The following NOS1AP variants were observed in gnomAD, a reference collection of about 807,000 sequenced individuals.
NOS1AP encodes the protein carboxyl-terminal PDZ ligand of neuronal nitric oxide synthase protein.
NOS1AP carries 21 observed loss-of-function variants against 56.2 expected under a neutral mutation model. The ratio of observed to expected loss-of-function variants is 0.37; its 90% CI spans 0.26 to 0.54. The LOEUF (loss-of-function observed/expected upper bound fraction) is 0.54, where lower values mean the gene tolerates loss of function less well. Among genes scored for constraint, NOS1AP ranks in the 20% least tolerant of loss-of-function variants. The pLI is 0.84. For missense variants in NOS1AP, 522 were observed against 657.8 expected (o/e 0.79, Z 2.26); for synonymous variants, 270 against 274.6 (o/e 0.98, Z 0.17).
At chr1:162,342,140 T>A (rs1234503614) in intron 5 of NOS1AP, among the ~76,000 whole-genome samples, 3 of 152,194 alleles carry the variant, frequency 2.0e-5, no homozygotes, top group Non-Finnish European at 2.9e-5. Context: ...CACTGGGTGA[T>A]GGTGGACCCC....
chr1:162,130,203 G>C (rs1648689266), intron 1 of NOS1AP, among the ~76,000 whole-genome samples: 1 of 152,176 alleles, frequency 6.6e-6, no homozygotes, highest in Non-Finnish European at 1.5e-5. Context: ...GCCCTATAAG[G>C]AAGATTGCAT....
At chr1:162,130,003 T>A (rs1404830237) in intron 1 of NOS1AP, among the ~76,000 whole-genome samples, 17 of 152,246 alleles carry the variant, frequency 1.1e-4, no homozygotes. Context: ...GAGTGTCGAA[T>A]ATAAACCTTT....
At chr1:162,245,520 C>T (rs927840482) in intron 2 of NOS1AP, among the ~76,000 whole-genome samples, 1 of 152,182 alleles carries the variant, frequency 6.6e-6, no homozygotes, top group African/African-American at 2.4e-5. Flanking sequence ...AACCATTCTA[C>T]TTCTAGGTAT....
In NOS1AP at chr1:162,352,110, A is replaced by G. The variant is rs577417266; in HGVS notation, c.596-3077A>G. On this transcript the variant is annotated intron_variant, in intron 6 of 9. Coordinates refer to ENST00000361897, the MANE Select transcript of NOS1AP (RefSeq NM_014697.3). ...AATCTCACTCTATTGCCCAGGCTGG[A>G]GTGCAGTGGCATGATCTCAGCTGAC... 6.6e-4 allele frequency among the ~76,000 whole-genome samples: 100 copies of G among 151,416 alleles called. No homozygotes were observed. The South Asian group carries it at 0.012, about 18-fold the overall frequency.
intron 1 of NOS1AP, among the ~76,000 whole-genome samples, chr1:162,087,528 T>C (rs559001887): frequency 6.6e-6 from 1 of 152,194 alleles, no homozygotes. Flanking sequence ...ATCCATGGAC[T>C]TGAACTAGTC....
In NOS1AP at chr1:162,314,113, G is replaced by T. The variant is rs369759172; in HGVS notation, c.344+13407G>T. Among the ~76,000 whole-genome samples, 30 of 152,296 alleles carry T rather than the reference G, an allele frequency of 2.0e-4. No individual in the cohort carries two copies. In the South Asian group the frequency reaches 5.8e-3, roughly 29 times the overall value. On this transcript the variant is annotated intron_variant, in intron 4 of 9. Coordinates refer to ENST00000361897, the MANE Select transcript of NOS1AP (RefSeq NM_014697.3). Reference sequence around the variant, plus strand: ...TTCATCTCAAAAAGGCTACTAAGCTGATTTATCCTTTTGGTGGCCTTGTCT... The same window carrying T: ...TTCATCTCAAAAAGGCTACTAAGCTTATTTATCCTTTTGGTGGCCTTGTCT...
intron 1 of NOS1AP, among the ~76,000 whole-genome samples, chr1:162,079,621 C>A (rs1035519476): frequency 1.3e-5 from 2 of 152,104 alleles, no homozygotes; most frequent in Non-Finnish European, 2.9e-5. Context: ...TCTCATACTT[C>A]GTAGGGTTAA....
chr1:162,153,592 T>G (rs1649807662), intron 1 of NOS1AP, among the ~76,000 whole-genome samples: 1 of 152,244 alleles, frequency 6.6e-6, no homozygotes. Flanking sequence ...GTAATAGTCC[T>G]GTATTCATTG....
At chr1:162,313,286 T>G (rs1656109026) in intron 4 of NOS1AP, among the ~76,000 whole-genome samples, 1 of 152,192 alleles carries the variant, frequency 6.6e-6, no homozygotes, top group African/African-American at 2.4e-5. Context: ...GACCAAATAA[T>G]ACATAACTGT....
At chr1:162,084,870 G>A (rs1230815989) in intron 1 of NOS1AP, among the ~76,000 whole-genome samples, 2 of 151,984 alleles carry the variant, frequency 1.3e-5, no homozygotes, top group Non-Finnish European at 2.9e-5. Flanking sequence ...TTGCCATGTT[G>A]CTCAGGCTGG....
At chr1:162,276,506 A>G (rs1654738348) in intron 2 of NOS1AP, among the ~76,000 whole-genome samples, 1 of 151,076 alleles carries the variant, frequency 6.6e-6, no homozygotes, top group Non-Finnish European at 1.5e-5. Flanking sequence ...GCTGCTCATG[A>G]GAATCACCTG....
intron 4 of NOS1AP, among the ~76,000 whole-genome samples, chr1:162,315,006 T>C (rs2101771689): frequency 6.6e-6 from 1 of 152,378 alleles, no homozygotes; most frequent in East Asian, 1.9e-4. Flanking sequence ...TTGCATTTTG[T>C]TAGAGGAGTC....
chr1:162,151,912 A>G (rs1649726321), intron 1 of NOS1AP, among the ~76,000 whole-genome samples: 1 of 152,084 alleles, frequency 6.6e-6, no homozygotes, highest in African/African-American at 2.4e-5. Flanking sequence ...TGTGTGGTAC[A>G]TGTATGCACA....
At position 162,274,434 on chromosome 1, in the gene NOS1AP, G is replaced by T. The variant is rs569189683; in HGVS notation, c.178-12910G>T. Among the ~76,000 whole-genome samples the T allele has an allele frequency of 2.6e-5, 4 of 152,304 alleles. No individual in the cohort carries two copies. The South Asian group carries it at 8.3e-4, about 32-fold the overall frequency. ...ACCCTCACTTGGCACACTTCCCTCA[G>T]CAACCTGCATGTGGCAACCCTAATT... On this transcript the variant is annotated intron_variant, in intron 2 of 9. Transcript: ENST00000361897.
intron 2 of NOS1AP, among the ~76,000 whole-genome samples, chr1:162,220,186 T>C (rs1006183960): frequency 6.6e-6 from 1 of 152,220 alleles, no homozygotes; most frequent in East Asian, 1.9e-4. Context: ...CTCCAGTAGT[T>C]GGGCTTATAG....
intron 2 of NOS1AP, among the ~76,000 whole-genome samples, chr1:162,252,050 T>C (rs571139249): frequency 6.6e-6 from 1 of 151,400 alleles, no homozygotes; most frequent in African/African-American, 2.4e-5. Context: ...TTTCTTTTTG[T>C]TTTTTTTGAG....
At chr1:162,129,196 C>T (rs536067888) in intron 1 of NOS1AP, among the ~76,000 whole-genome samples, 2 of 152,148 alleles carry the variant, frequency 1.3e-5, no homozygotes, top group African/African-American at 2.4e-5. Flanking sequence ...TTCATCTGAC[C>T]GTTCTAGCCC....
rs1275321873 is a variant in NOS1AP, at chr1:162,261,512, GA to G, written c.178-25831del. 9.0e-3 allele frequency among the ~76,000 whole-genome samples: 180 copies of G among 19,968 alleles called. 69 individuals carry two copies. Among genetic ancestry groups the G allele is most frequent in the Non-Finnish European group, 0.021 (133 of 6,282 alleles). The allele number at this position is 19,968 out of a possible 152,430, so 13.1% of individuals were successfully genotyped here. On this transcript the variant is annotated intron_variant, in intron 2 of 9. Coordinates refer to ENST00000361897, the MANE Select transcript of NOS1AP (RefSeq NM_014697.3). ...AGAGAGAGAGAGAGAGAGAGAGAGAGAGAGAGAGAGAGAGAGAGAGAGAGAG... is the reference window on the plus strand; with the variant it reads ...AGAGAGAGAGAGAGAGAGAGAGAGAGGAGAGAGAGAGAGAGAGAGAGAGAG...
At chr1:162,115,397 G>GTT (rs1284433353) in intron 1 of NOS1AP, among the ~76,000 whole-genome samples, 1 of 144,646 alleles carries the variant, frequency 6.9e-6, no homozygotes, top group Non-Finnish European at 1.5e-5. Context: ...CAGGTGCTCT[G>GTT]TTTTTTTTTT....
Sources: gnomAD v4.1 joint callset for allele counts (sites outside exome capture counted in the v4.1 genomes callset) on GRCh38, gnomAD v4.1.1 for gene constraint, MANE v1.5 for transcripts, NCBI Gene and HGNC (gene_info 2026-07-23, HGNC 2026-07-21) for gene names.